Variants in HEPH observed in about 807,000 individuals in gnomAD.
HEPH encodes the protein hephaestin.
HEPH carries 69 observed loss-of-function variants against 80.8 expected under a neutral mutation model. The ratio of observed to expected loss-of-function variants is 0.85; its 90% confidence interval spans 0.70 to 1.04. The LOEUF (loss-of-function observed/expected upper bound fraction) is 1.04. Ranked by LOEUF, HEPH falls within the 50% of genes least tolerant of loss-of-function variation. HEPH has a pLI of 0.00. For synonymous variants in HEPH, 431 were observed against 322.8 expected (o/e 1.34, Z -3.60); for missense variants, 1,115 against 891.3 (o/e 1.25, Z -3.20).
In HEPH at chrX:66,169,463, G is replaced by A. The variant is rs992690454; in HGVS notation, c.-13-1095G>A. Among the ~76,000 whole-genome samples the A allele has an allele frequency of 3.6e-5, 4 of 111,208 alleles. No individual in the cohort carries two copies. The East Asian group carries it at 1.1e-3, about 31-fold the overall frequency. ...TGTGTATGGTATCACTGAGTGCTTC[G>A]TCCTAGTCCCAGGAAGTCTAACGTC... is the stretch of plus-strand genomic sequence containing the variant. On this transcript the variant is annotated intron_variant, in intron 1 of 20. Coordinates refer to ENST00000343002, the MANE Select transcript of HEPH (RefSeq NM_001367233.3).
chrX:66,268,447 G>A (rs1453492280), downstream of HEPH: 1 of 111,938 alleles, frequency 8.9e-6, no homozygotes, highest in Middle Eastern at 4.6e-3. Flanking sequence ...GGTGGAAGGG[G>A]GATTTAGATG....
At chrX:66,213,086 A>G (rs1295102671) in intron 15 of HEPH, among the ~76,000 whole-genome samples, 1 of 109,450 alleles carries the variant, frequency 9.1e-6, no homozygotes, top group Non-Finnish European at 1.9e-5. Context: ...CACAAAATGC[A>G]GGTTAGTTAC....
At chrX:66,241,972 A>G (rs1425069035) in intron 15 of HEPH, among the ~76,000 whole-genome samples, 1 of 110,592 alleles carries the variant, frequency 9.0e-6, no homozygotes, top group Non-Finnish European at 1.9e-5. Context: ...TGGTATTCCT[A>G]TCAAACCACT....
Position 66,256,252 on chromosome X carries a change from G to A in HEPH, c.2818G>A (p.Val940Met), listed in dbSNP as rs2148193179. 5 of 1,211,340 alleles carry A rather than the reference G, an allele frequency of 4.1e-6. 1 individual carries two copies. The highest frequency in any genetic ancestry group is 3.5e-5 in the African/African-American group (2 of 57,824). The stretch of plus-strand genomic sequence containing the variant: ...TAAGTCTTGGTATTTGGAGGAAAAT[G>A]TGGCAACCCATGGGTCCCAGGATCC... ...ENKSWYLEEN[V>M]ATHGSQDPGS... is the part of the protein sequence containing the mutation. The change falls in exon 17 of 21, where the codon GTG becomes ATG. Residue 940 changes from valine to methionine, a missense_variant. Coordinates refer to ENST00000343002, the MANE Select transcript of HEPH (RefSeq NM_001367233.3).
intron 4 of HEPH, among the ~76,000 whole-genome samples, chrX:66,177,736 G>T (rs1166359167): frequency 9.1e-6 from 1 of 110,090 alleles, no homozygotes; most frequent in Non-Finnish European, 1.9e-5. Flanking sequence ...TCTTGATATT[G>T]GTTATTTCCT....
chrX:66,255,173 T>A, intron 16 of HEPH, 32 bp downstream of exon 16: 1 of 998,076 alleles, frequency 1.0e-6, no homozygotes, highest in Non-Finnish European at 1.4e-6. Flanking sequence ...TGGAGGTGGG[T>A]CAAACTCCCT....
At chrX:66,225,185 T>C (rs1450546174) in intron 15 of HEPH, among the ~76,000 whole-genome samples, 2 of 111,470 alleles carry the variant, frequency 1.8e-5, no homozygotes, top group East Asian at 5.7e-4. Flanking sequence ...TACAAAAAGT[T>C]TTAACTTTTC....
intron 11 of HEPH, chrX:66,200,308 G>A: frequency 2.5e-6 from 1 of 397,729 alleles, no homozygotes; most frequent in Non-Finnish European, 4.4e-6. Context: ...TTGTCAGGAT[G>A]TGGATCATGG....
At chrX:66,208,657 T>C (rs866264260) in intron 15 of HEPH, among the ~76,000 whole-genome samples, 2 of 73,136 alleles carry the variant, frequency 2.7e-5, no homozygotes, top group African/African-American at 1.7e-4. Context: ...TATATATATA[T>C]ATATATATAT....
At chrX:66,202,760 C>T (rs1256046394) in intron 12 of HEPH, among the ~76,000 whole-genome samples, 1 of 109,706 alleles carries the variant, frequency 9.1e-6, no homozygotes, top group East Asian at 2.8e-4. Context: ...CATCACTTAA[C>T]TGAACATTGA....
chrX:66,207,862 G>C (rs972920844), intron 14 of HEPH, among the ~76,000 whole-genome samples: 4 of 110,892 alleles, frequency 3.6e-5, no homozygotes, highest in African/African-American at 1.3e-4. Context: ...AGAGGGTAGG[G>C]GTGGGAAAAG....
chrX:66,205,599 G>GT (rs2088720955), intron 13 of HEPH, among the ~76,000 whole-genome samples: 1 of 103,739 alleles, frequency 9.6e-6, no homozygotes, highest in Admixed American at 1.0e-4. Flanking sequence ...TATTTTTCAT[G>GT]CTTTTTTTTT....
intron 15 of HEPH, among the ~76,000 whole-genome samples, chrX:66,242,379 A>G (rs923670766): frequency 8.9e-6 from 1 of 112,178 alleles, no homozygotes; most frequent in Non-Finnish European, 1.9e-5. Flanking sequence ...AAAATTGATT[A>G]AAGACTTAAA....
chrX:66,166,826 T>G (rs1298890022), intron 1 of HEPH, among the ~76,000 whole-genome samples: 2 of 111,938 alleles, frequency 1.8e-5, no homozygotes, highest in Non-Finnish European at 3.8e-5. Context: ...CATACCTATG[T>G]TTATATTCCT....
intron 15 of HEPH, among the ~76,000 whole-genome samples, chrX:66,212,750 G>A (rs1478815527): frequency 9.0e-6 from 1 of 111,059 alleles, no homozygotes; most frequent in East Asian, 2.8e-4. Flanking sequence ...GTAATGTAAT[G>A]CCTCCAGTGG....
chrX:66,229,167 G>GATAGAT (rs1388741260), intron 15 of HEPH, among the ~76,000 whole-genome samples: 1 of 111,463 alleles, frequency 9.0e-6, no homozygotes, highest in Non-Finnish European at 1.9e-5. Flanking sequence ...TAAAATGTGA[G>GATAGAT]ATAGATATAG....
intron 4 of HEPH, among the ~76,000 whole-genome samples, chrX:66,179,296 T>A (rs764039089): frequency 9.0e-6 from 1 of 111,731 alleles, no homozygotes; most frequent in Non-Finnish European, 1.9e-5. Flanking sequence ...TTGTTTTTCA[T>A]TGGTCTATAT....
intron 15 of HEPH, among the ~76,000 whole-genome samples, chrX:66,228,369 A>G (rs951287897): frequency 1.8e-5 from 2 of 112,793 alleles, no homozygotes; most frequent in African/African-American, 6.4e-5. Flanking sequence ...CTCACCTTAT[A>G]TAAAAATCAA....
chrX:66,248,427 T>C (rs1298122855), intron 15 of HEPH, among the ~76,000 whole-genome samples: 1 of 112,076 alleles, frequency 8.9e-6, no homozygotes, highest in East Asian at 2.8e-4. Context: ...AGATCAACTG[T>C]CACAGTTTTG....
Sources: gnomAD v4.1 joint callset for allele counts (sites outside exome capture counted in the v4.1 genomes callset) on GRCh38, gnomAD v4.1.1 for gene constraint, MANE v1.5 for transcripts, NCBI Gene and HGNC (gene_info 2026-07-23, HGNC 2026-07-21) for gene names.